Variants in CTNND2 observed in about 807,000 individuals in gnomAD.
CTNND2 encodes the protein catenin delta-2.
A neutral mutation model predicts 144.4 loss-of-function variants in CTNND2; 22 were observed. The observed-to-expected ratio is 0.15, with a 90% CI of 0.11 to 0.22. The LOEUF (loss-of-function observed/expected upper bound fraction) is 0.22, where lower values mean the gene tolerates loss of function less well. Ranked by LOEUF, CTNND2 falls within the 10% of genes least tolerant of loss-of-function variation. The pLI is 1.00. For missense variants in CTNND2, 1,353 were observed against 1,618.8 expected, an observed-to-expected ratio of 0.84 and a Z score of 2.82; for synonymous variants, 751 against 695.6, an observed-to-expected ratio of 1.08 and a Z score of -1.25.
chr5:11,737,900 CA>C (rs1166494867), intron 1 of CTNND2, among the ~76,000 whole-genome samples: 1 of 152,218 alleles, frequency 6.6e-6, no homozygotes, highest in African/African-American at 2.4e-5. Flanking sequence ...GGCCTACTGG[CA>C]CCTTGATCTT....
intron 11 of CTNND2, among the ~76,000 whole-genome samples, chr5:11,173,197 G>A (rs1009240762): frequency 1.3e-5 from 2 of 152,244 alleles, no homozygotes; most frequent in African/African-American, 2.4e-5. Flanking sequence ...CCAACCACAG[G>A]GTTCAGCTAA....
chr5:11,685,014 C>G (rs76199529), intron 2 of CTNND2, among the ~76,000 whole-genome samples: 2,063 of 152,312 alleles, frequency 0.014, 21 homozygotes, highest in East Asian at 0.057. Context: ...CAGCTTATAA[C>G]CTTCATCTTA....
Position 11,186,214 on chromosome 5 carries a change from T to C in CTNND2, c.1975+13234A>G, listed in dbSNP as rs141587544. Reference sequence around the variant, plus strand: ...GGTTCAAGAACATCCAACATTTTACTGCTGCAGAATGTAAAATGGATCATG... The same window carrying C: ...GGTTCAAGAACATCCAACATTTTACCGCTGCAGAATGTAAAATGGATCATG... On this transcript the variant is annotated intron_variant, in intron 11 of 21. Coordinates refer to ENST00000304623, the MANE Select transcript of CTNND2 (RefSeq NM_001332.4). Among the ~76,000 whole-genome samples, 21 of 152,346 alleles carry C rather than the reference T, an allele frequency of 1.4e-4. No homozygotes were observed. In the East Asian group the frequency reaches 4.0e-3, roughly 29 times the overall value.
At chr5:11,599,718 A>G (rs1779684488) in intron 2 of CTNND2, among the ~76,000 whole-genome samples, 2 of 152,164 alleles carry the variant, frequency 1.3e-5, no homozygotes, top group African/African-American at 4.8e-5. Flanking sequence ...AGTCAGGAAA[A>G]TAGAAAAGTG....
At chr5:11,180,196 G>A (rs531294408) in intron 11 of CTNND2, among the ~76,000 whole-genome samples, 1 of 152,032 alleles carries the variant, frequency 6.6e-6, no homozygotes, top group East Asian at 1.9e-4. Context: ...AGATCCAGTG[G>A]TTTTAAAGTG....
At chr5:11,432,459 G>C (rs1344425235) in intron 3 of CTNND2, among the ~76,000 whole-genome samples, 1 of 152,040 alleles carries the variant, frequency 6.6e-6, no homozygotes, top group Non-Finnish European at 1.5e-5. Flanking sequence ...GATGAAAGGA[G>C]AATCAAAATC....
chr5:11,353,360 G>A (rs369568802), intron 8 of CTNND2, among the ~76,000 whole-genome samples: 5 of 152,136 alleles, frequency 3.3e-5, no homozygotes, highest in Non-Finnish European at 5.9e-5. Context: ...TCCACTGTTC[G>A]GCACTAGAGG....
intron 18 of CTNND2, among the ~76,000 whole-genome samples, chr5:11,012,551 G>A (rs1741200401): frequency 6.6e-6 from 1 of 152,176 alleles, no homozygotes; most frequent in Admixed American, 6.5e-5. Flanking sequence ...TCTGAAACCT[G>A]GTGAATCGGA....
At chr5:11,018,698 G>T (rs1741887488) in intron 17 of CTNND2, among the ~76,000 whole-genome samples, 1 of 149,988 alleles carries the variant, frequency 6.7e-6, no homozygotes, top group South Asian at 2.1e-4. Context: ...CCACAGCAAG[G>T]CCCTGACTCT....
intron 2 of CTNND2, among the ~76,000 whole-genome samples, chr5:11,608,716 CCT>C (rs754942781): frequency 2.0e-5 from 3 of 152,164 alleles, no homozygotes; most frequent in African/African-American, 7.2e-5. Flanking sequence ...TCTTGCACCC[CCT>C]GACACCCACC....
chr5:11,367,357 C>T (rs960450012), intron 7 of CTNND2, among the ~76,000 whole-genome samples: 5 of 152,074 alleles, frequency 3.3e-5, no homozygotes, highest in African/African-American at 9.7e-5. Context: ...TTCAACCGCC[C>T]GTGTTCAAGA....
intron 9 of CTNND2, among the ~76,000 whole-genome samples, chr5:11,287,127 G>A (rs886991217): frequency 6.6e-6 from 1 of 152,194 alleles, no homozygotes; most frequent in African/African-American, 2.4e-5. Context: ...AATTTTATGT[G>A]TCAATTTGAC....
At chr5:11,466,799 C>T (rs61757534) in intron 3 of CTNND2, among the ~76,000 whole-genome samples, 3 of 152,314 alleles carry the variant, frequency 2.0e-5, no homozygotes, top group South Asian at 4.1e-4. Context: ...TTATCTTCCC[C>T]TCCCCCACCA....
chr5:11,847,705 T>C (rs754950881), intron 1 of CTNND2, among the ~76,000 whole-genome samples: 1 of 152,138 alleles, frequency 6.6e-6, no homozygotes, highest in Non-Finnish European at 1.5e-5. Flanking sequence ...CATTATACTA[T>C]GTAAACATGC....
At chr5:11,370,434 A>T (rs977076295) in intron 7 of CTNND2, among the ~76,000 whole-genome samples, 2 of 152,178 alleles carry the variant, frequency 1.3e-5, no homozygotes, top group African/African-American at 2.4e-5. Context: ...AAAAGAGGAG[A>T]TGGGCATATT....
At chr5:11,443,179 GGTGTGTGGTGTGTGT>G (rs1348317288) in intron 3 of CTNND2, among the ~76,000 whole-genome samples, 3 of 131,096 alleles carry the variant, frequency 2.3e-5, no homozygotes, top group Non-Finnish European at 4.8e-5. Context: ...ATGTTTGTGT[GGTGTGTGGTGTGTGT>G]GTGTGTGGTG....
At chr5:11,178,095 T>C (rs1473951723) in intron 11 of CTNND2, among the ~76,000 whole-genome samples, 1 of 152,196 alleles carries the variant, frequency 6.6e-6, no homozygotes, top group Non-Finnish European at 1.5e-5. Flanking sequence ...TTGTTTAGGA[T>C]AGAAATGGGA....
At chr5:11,137,544 G>C (rs991430816) in intron 12 of CTNND2, among the ~76,000 whole-genome samples, 1 of 152,158 alleles carries the variant, frequency 6.6e-6, no homozygotes, top group Non-Finnish European at 1.5e-5. Flanking sequence ...CCATGTAGTT[G>C]TAGATAAGCT....
intron 3 of CTNND2, among the ~76,000 whole-genome samples, chr5:11,443,280 T>C (rs1183510517): frequency 1.3e-5 from 1 of 79,404 alleles, no homozygotes; most frequent in Non-Finnish European, 2.2e-5. Context: ...GTGGTATGTG[T>C]GCATGTGTGT....
Sources: gnomAD v4.1 joint callset for allele counts (sites outside exome capture counted in the v4.1 genomes callset) on GRCh38, gnomAD v4.1.1 for gene constraint, MANE v1.5 for transcripts, NCBI Gene and HGNC (gene_info 2026-07-23, HGNC 2026-07-21) for gene names.